The following OBSL1 variants were observed in gnomAD, a reference collection of about 807,000 sequenced individuals.
OBSL1 encodes the protein obscurin like cytoskeletal adaptor 1.
Under a neutral mutation model 172.0 loss-of-function variants are expected in OBSL1, and 160 were observed. The observed-to-expected ratio is 0.93, with a 90% CI of 0.82 to 1.06. The LOEUF is 1.06. Among genes scored for constraint, OBSL1 ranks in the 50% least tolerant of loss-of-function variants. The pLI, the probability that OBSL1 is intolerant of heterozygous loss-of-function variation, is 0.00. For synonymous variants in OBSL1, 1,200 were observed against 1,196.3 expected, an observed-to-expected ratio of 1.00 and a Z score of -0.06; for missense variants, 2,681 against 2,715.4, an observed-to-expected ratio of 0.99 and a Z score of 0.28.
At chr2:219,549,713 A>T, downstream of OBSL1, 1 of 1,613,436 alleles carries the variant, frequency 6.2e-7, no homozygotes, top group Non-Finnish European at 8.5e-7. Flanking sequence ...TTGCTCCCCC[A>T]CAGAGCTATA....
Position 219,570,204 on chromosome 2 carries a change from C to G in OBSL1, c.1012+17G>C. ...GGACACTCGAGGCCCCTCCCTAGGT[C>G]CCGGGCTCCGCCGTACCTTTCACGT... is the stretch of plus-strand genomic sequence containing the variant. On this transcript the variant is annotated intron_variant, in intron 1 of 20. Transcript: ENST00000404537. 1 of 1,521,308 alleles carries G rather than the reference C, an allele frequency of 6.6e-7. No individual in the cohort carries two copies. The highest frequency in any genetic ancestry group is 2.3e-5 in the East Asian group (1 of 43,034). 94.2% of individuals were successfully genotyped at this position (1,521,308 alleles called of 1,614,324 possible).
At chr2:219,553,137 T>A in intron 16 of OBSL1, 113 bp from the exon 17 acceptor site, 1 of 1,326,516 alleles carries the variant, frequency 7.5e-7, no homozygotes, top group Non-Finnish European at 9.8e-7. Context: ...GGCGCGTTTA[T>A]GCGTGTCTCG....
In OBSL1 at chr2:219,566,930, C is replaced by T. The variant is rs781573499; in HGVS notation, c.2034G>A (p.Gln678=). The change falls in exon 5 of 21, where the codon CAG becomes CAA. Residue 678 remains glutamine (Q), a synonymous_variant. Coordinates refer to ENST00000404537, the MANE Select transcript of OBSL1 (RefSeq NM_015311.3). ...TGACGGCATGCAGGATGAGTCTGTGCTGCAGACCCTTCTGCTCTATACGGT... is the reference window on the plus strand; with the variant it reads ...TGACGGCATGCAGGATGAGTCTGTGTTGCAGACCCTTCTGCTCTATACGGT... ...LRYRIEQKGL[Q]HRLILHAVKH... 2 of 1,613,822 alleles carry T rather than the reference C, an allele frequency of 1.2e-6. No individual in the cohort carries two copies. Among genetic ancestry groups the T allele is most frequent in the South Asian group, 2.2e-5 (2 of 91,086 alleles).
At position 219,553,669 on chromosome 2, in the gene OBSL1, C is replaced by G. The variant is rs540208891; in HGVS notation, c.4894G>C (p.Val1632Leu). ...LIVREVPVTI[V>L]RGPHDLEVTE... ...ACCTCTAGGTCGTGTGGCCCCCGCACGATGGTCACTGGGACCTCTGGGGGT... is the reference window on the plus strand; with the variant it reads ...ACCTCTAGGTCGTGTGGCCCCCGCAGGATGGTCACTGGGACCTCTGGGGGT... The change falls in exon 16 of 21, where the codon GTG becomes CTG. Residue 1632 changes from valine to leucine, a missense_variant. Around this residue, in one of 5 missense-constraint regions of OBSL1, gnomAD observed 1,765 missense variants for 1,748.3 expected, o/e 1.01. Coordinates refer to ENST00000404537, the MANE Select transcript of OBSL1 (RefSeq NM_015311.3). 2 of 1,613,422 alleles carry G rather than the reference C, an allele frequency of 1.2e-6. No homozygotes were observed. The highest frequency in any genetic ancestry group is 8.5e-7 in the Non-Finnish European group (1 of 1,179,660).
Position 219,571,174 on chromosome 2 carries a change from G to A in OBSL1, c.59C>T (p.Pro20Leu), listed in dbSNP as rs768166569. 1.4e-6 allele frequency: 2 copies of A among 1,480,412 alleles called. No homozygotes were observed. Among genetic ancestry groups the A allele is most frequent in the South Asian group, 1.3e-5 (1 of 76,506 alleles). 91.7% of individuals were successfully genotyped at this position (1,480,412 alleles called of 1,614,324 possible). Residue 20 changes from proline (P) to leucine (L), a missense_variant, in exon 1 of 21, where the codon CCT (proline) becomes CTT (leucine). Transcript: ENST00000404537. ...CTCGGCGCCACTTACCACCCGCACA[G>A]GCCGCGGGAAGCGCAGGAAGCACGG... ...SPPCFLRFPR[P>L]VRVVSGAEAE...
Position 219,565,246 on chromosome 2 carries a change from G to A in OBSL1, c.2403C>T (p.Val801=). 2 of 1,608,782 alleles carry A rather than the reference G, an allele frequency of 1.2e-6. No homozygotes were observed. The highest frequency in any genetic ancestry group is 1.7e-6 in the Non-Finnish European group (2 of 1,176,654). ...CAGGCTGGCATGCTTCCTGACCTTG[G>A]ACAGTGACGCCGAAGAAGGCCGAGA... ...EGVSAFFGVT[V]QDPPVHIVDP... Residue 801 remains valine, a synonymous_variant, in exon 6 of 21, where the codon GTC becomes GTT. Transcript: ENST00000404537.
intron 14 of OBSL1, chr2:219,555,039 GAC>G: frequency 2.3e-6 from 1 of 427,584 alleles, no homozygotes. Context: ...TTTGGAGTCA[GAC>G]ACACTAGGAA....
intron 1 of OBSL1, 129 bp downstream of exon 1, chr2:219,570,092 A>AT: frequency 1.2e-6 from 1 of 832,666 alleles, no homozygotes; most frequent in East Asian, 2.9e-5. Context: ...CGGGTTTGGT[A>AT]TTTTAATATT....
In OBSL1 at chr2:219,552,566, G is replaced by T; in HGVS notation, c.5278C>A (p.Pro1760Thr). The change falls in exon 18 of 21, where the codon CCC (proline) becomes ACC (threonine). Residue 1760 changes from proline (P) to threonine (T), a missense_variant. Around this residue, in one of 5 missense-constraint regions of OBSL1, gnomAD observed 1,765 missense variants for 1,748.3 expected, o/e 1.01. Coordinates refer to ENST00000404537, the MANE Select transcript of OBSL1 (RefSeq NM_015311.3). ...TGTCGGATGCGGACGCGGGCTCCGG[G>T]TCTCAGCGGGCGGCCTCCGAGCTCC... The part of the protein sequence containing the change: ...RWELGGRPLR[P>T]GARVRIRQEG... 6.3e-7 allele frequency: 1 copy of T among 1,595,998 alleles called. No individual in the cohort carries two copies.
chr2:219,555,462 TG>T, intron 14 of OBSL1: 1 of 181,752 alleles, frequency 5.5e-6, no homozygotes, highest in Non-Finnish European at 1.0e-5. Flanking sequence ...TTTTTTTTTG[TG>T]GAGATGGGTT....
At chr2:219,565,099 G>C (rs1696784840) in intron 6 of OBSL1, 143 bp downstream of exon 6, 2 of 827,116 alleles carry the variant, frequency 2.4e-6, no homozygotes, top group African/African-American at 3.4e-5. Context: ...AGCAAGTGCA[G>C]AGTTATCTGA....
Position 219,558,400 on chromosome 2 carries a change from G to T in OBSL1, c.3286C>A (p.Pro1096Thr). 1 of 1,605,748 alleles carries T rather than the reference G, an allele frequency of 6.2e-7. No individual in the cohort carries two copies. Residue 1096 changes from proline (P) to threonine (T), a missense_variant, in exon 10 of 21, where the codon CCA becomes ACA. Transcript: ENST00000404537. ...ARSLDLHFGAPGRVELRCEVA... is the reference protein window; with the variant it reads ...ARSLDLHFGATGRVELRCEVA... ...TCACAGCGCAGCTCCACGCGCCCTGGAGCCCCAAAATGCAGATCCAGGGAG... is the reference window on the plus strand; with the variant it reads ...TCACAGCGCAGCTCCACGCGCCCTGTAGCCCCAAAATGCAGATCCAGGGAG...
intron 18 of OBSL1, 134 bp from the exon 19 acceptor site, chr2:219,552,350 C>T (rs925877282): frequency 2.1e-5 from 20 of 930,464 alleles, no homozygotes; most frequent in African/African-American, 1.9e-4. Flanking sequence ...AACAGGGATG[C>T]GGAGCGGGAA....
At chr2:219,557,732 G>C in intron 11 of OBSL1, 91 bp downstream of exon 11, 1 of 1,539,366 alleles carries the variant, frequency 6.5e-7, no homozygotes, top group Non-Finnish European at 8.7e-7. Flanking sequence ...GATGGGCAAG[G>C]CATGCTGGAA....
chr2:219,567,661 G>A (rs1390478150), intron 3 of OBSL1, 57 bp downstream of exon 3: 85 of 1,589,390 alleles, frequency 5.3e-5, no homozygotes, highest in Non-Finnish European at 7.1e-5. Flanking sequence ...ACCCAGCTCC[G>A]GCATCTGGCC....
chr2:219,560,828 T>G (rs1574549569), intron 8 of OBSL1, among the ~76,000 whole-genome samples: 1 of 151,556 alleles, frequency 6.6e-6, no homozygotes, highest in Non-Finnish European at 1.5e-5. Context: ...GCCTGAGGAG[T>G]GGGGAAGGTG....
chr2:219,549,252 CCT>C, downstream of OBSL1: 1 of 1,613,972 alleles, frequency 6.2e-7, no homozygotes, highest in Non-Finnish European at 8.5e-7. Flanking sequence ...CTCGGGCTCC[CCT>C]CAGAGGTCCC....
At chr2:219,548,172 C>T (rs1185920171), downstream of OBSL1, 2 of 1,209,230 alleles carry the variant, frequency 1.7e-6, no homozygotes, top group East Asian at 2.6e-5. Flanking sequence ...GGGACAGCAG[C>T]AGAAGGCCTC....
chr2:219,547,701 T>C (rs887704045), downstream of OBSL1: 1 of 1,570,178 alleles, frequency 6.4e-7, no homozygotes, highest in Non-Finnish European at 8.6e-7. Context: ...CTCTTCCTGG[T>C]GGGGCTGCTG....
Sources: gnomAD v4.1 joint callset for allele counts (sites outside exome capture counted in the v4.1 genomes callset) on GRCh38, gnomAD v4.1.1 for gene constraint, gnomAD v4.1.1 regional missense constraint, MANE v1.5 for transcripts, NCBI Gene and HGNC (gene_info 2026-07-23, HGNC 2026-07-21) for gene names.